The following INPP4B variants were observed in gnomAD, a reference collection of about 807,000 sequenced individuals.
INPP4B encodes inositol polyphosphate 4-phosphatase type II.
A neutral mutation model predicts 122.5 loss-of-function variants in INPP4B; 55 were observed. That is an observed-to-expected ratio of 0.45 (90% CI 0.36 to 0.56). INPP4B has a LOEUF of 0.56. Ranked by LOEUF, INPP4B falls within the 20% of genes least tolerant of loss-of-function variation. The pLI, the probability that INPP4B is intolerant of heterozygous loss-of-function variation, is 0.00. For missense variants in INPP4B, 1,000 were observed against 1,097.7 expected, an observed-to-expected ratio of 0.91 and a Z score of 1.26; for synonymous variants, 403 against 388.7, an observed-to-expected ratio of 1.04 and a Z score of -0.43.
At chr4:142,090,475 T>G (rs970789887) in intron 23 of INPP4B, among the ~76,000 whole-genome samples, 8 of 151,920 alleles carry the variant, frequency 5.3e-5, no homozygotes, top group African/African-American at 1.9e-4. Context: ...GTATCATTAA[T>G]AATAGCCAGT....
intron 1 of INPP4B, among the ~76,000 whole-genome samples, chr4:142,757,704 C>T (rs1448023463): frequency 1.3e-5 from 2 of 148,884 alleles, no homozygotes; most frequent in Non-Finnish European, 3.0e-5. Flanking sequence ...ACCTTGGTTG[C>T]TTCCAAATTT....
chr4:142,644,921 A>T (rs1049374258), intron 2 of INPP4B, among the ~76,000 whole-genome samples: 1 of 150,556 alleles, frequency 6.6e-6, no homozygotes, highest in East Asian at 1.9e-4. Flanking sequence ...AAAAAAAAAA[A>T]AAAAAGCAAA....
In INPP4B at chr4:142,397,837, C is replaced by CA. The variant is rs955247663; in HGVS notation, c.372+5100dup. ...CTGGTGACAGAGCGAGGCTCCGTCT[C>CA]AAAAAAAATAAAAAATAAAAAATAA... is the stretch of plus-strand genomic sequence containing the variant. On this transcript the variant is annotated intron_variant, in intron 7 of 25. Transcript: ENST00000262992. 7.4e-5 allele frequency among the ~76,000 whole-genome samples: 11 copies of CA among 147,718 alleles called. No homozygotes were observed. In the South Asian group the frequency reaches 8.5e-4, roughly 11 times the overall value.
intron 2 of INPP4B, among the ~76,000 whole-genome samples, chr4:142,601,533 G>A (rs140025500): frequency 8.7e-5 from 13 of 149,284 alleles, no homozygotes; most frequent in South Asian, 2.1e-4. Flanking sequence ...CAATACCTAC[G>A]GGACACAGCA....
intron 25 of INPP4B, among the ~76,000 whole-genome samples, chr4:142,050,433 A>G (rs1274596235): frequency 2.0e-5 from 3 of 152,064 alleles, no homozygotes; most frequent in Non-Finnish European, 4.4e-5. Context: ...AAAAACAAAA[A>G]AGATTATTAG....
chr4:142,416,292 A>T (rs921758384), intron 5 of INPP4B, among the ~76,000 whole-genome samples: 1 of 152,138 alleles, frequency 6.6e-6, no homozygotes, highest in Non-Finnish European at 1.5e-5. Context: ...ACAGGGAGGC[A>T]GCTGTTCAAT....
chr4:142,482,250 T>C (rs1279308227), intron 2 of INPP4B, among the ~76,000 whole-genome samples: 1 of 152,182 alleles, frequency 6.6e-6, no homozygotes, highest in Non-Finnish European at 1.5e-5. Flanking sequence ...TCTGTTTTAC[T>C]CTCAAGAAAC....
At chr4:142,445,261 C>A (rs1360806140) in intron 3 of INPP4B, among the ~76,000 whole-genome samples, 2 of 151,902 alleles carry the variant, frequency 1.3e-5, no homozygotes, top group East Asian at 3.9e-4. Context: ...AAAAGAGATC[C>A]ACAGTAGACT....
chr4:142,811,267 G>T (rs981731491), intron 1 of INPP4B, among the ~76,000 whole-genome samples: 111 of 152,246 alleles, frequency 7.3e-4, no homozygotes, highest in African/African-American at 2.6e-3. Context: ...CATAATGCAG[G>T]CAGAGGGCAC....
At chr4:142,172,363 G>A (rs1158829744) in intron 16 of INPP4B, among the ~76,000 whole-genome samples, 2 of 151,842 alleles carry the variant, frequency 1.3e-5, no homozygotes, top group African/African-American at 4.8e-5. Context: ...AAGATAATAT[G>A]TTCTCCATAA....
rs373365420 is a variant in INPP4B, at chr4:142,208,886, G to T, written c.967+10C>A. On this transcript the variant is annotated intron_variant, in intron 13 of 25. Transcript: ENST00000262992. ...TTCACTTTGAGTAAGTAGAGAAATT[G>T]CTTCCACACCTGTTTCCTTGCTAAG... is the stretch of plus-strand genomic sequence containing the variant. 50 of 1,526,368 alleles carry T rather than the reference G, an allele frequency of 3.3e-5. No homozygotes were observed. The African/African-American group carries it at 5.7e-4, about 17-fold the overall frequency. 94.6% of individuals were successfully genotyped at this position (1,526,368 alleles called of 1,614,324 possible).
chr4:142,413,529 T>G (rs1254850463), intron 5 of INPP4B, among the ~76,000 whole-genome samples: 1 of 152,200 alleles, frequency 6.6e-6, no homozygotes, highest in Non-Finnish European at 1.5e-5. Flanking sequence ...TTCCATATTT[T>G]AGGGTTTTTA....
intron 7 of INPP4B, among the ~76,000 whole-genome samples, chr4:142,337,924 A>AG (rs1474688300): frequency 6.6e-6 from 1 of 151,444 alleles, no homozygotes; most frequent in African/African-American, 2.4e-5. Flanking sequence ...TGACAAAGTG[A>AG]GGGGAAAAAG....
intron 1 of INPP4B, among the ~76,000 whole-genome samples, chr4:142,797,312 C>T (rs936118277): frequency 2.6e-5 from 4 of 151,906 alleles, no homozygotes; most frequent in Non-Finnish European, 5.9e-5. Context: ...CGTTCTACTG[C>T]CTTTTGAAAC....
At chr4:142,304,604 C>T (rs375291415) in intron 9 of INPP4B, among the ~76,000 whole-genome samples, 8 of 152,078 alleles carry the variant, frequency 5.3e-5, no homozygotes, top group Middle Eastern at 3.4e-3. Context: ...GGGTCCTTGG[C>T]GGAAGGGGAC....
chr4:142,736,417 T>C (rs1188914363), intron 1 of INPP4B, among the ~76,000 whole-genome samples: 1 of 152,218 alleles, frequency 6.6e-6, no homozygotes, highest in Admixed American at 6.5e-5. Flanking sequence ...TATTATTTAA[T>C]TTTCATGAGT....
At chr4:142,145,747 C>G in intron 18 of INPP4B, 93 bp downstream of exon 18, 1 of 1,243,412 alleles carries the variant, frequency 8.0e-7, no homozygotes, top group East Asian at 2.3e-5. Flanking sequence ...ATCAAAGATA[C>G]TATTGACTCC....
chr4:142,185,503 C>T (rs1368164237), intron 15 of INPP4B, among the ~76,000 whole-genome samples: 1 of 151,670 alleles, frequency 6.6e-6, no homozygotes, highest in Non-Finnish European at 1.5e-5. Context: ...GCATATTATG[C>T]ATATTAATAC....
intron 12 of INPP4B, among the ~76,000 whole-genome samples, chr4:142,234,588 T>C (rs1387136159): frequency 1.3e-5 from 2 of 152,226 alleles, no homozygotes; most frequent in Admixed American, 6.5e-5. Context: ...ACATTAATTG[T>C]TGAATTTTTA....
Sources: gnomAD v4.1 joint callset for allele counts (sites outside exome capture counted in the v4.1 genomes callset) on GRCh38, gnomAD v4.1.1 for gene constraint, MANE v1.5 for transcripts, NCBI Gene and HGNC (gene_info 2026-07-23, HGNC 2026-07-21) for gene names.